WNT9A: variants seen among roughly 807,000 people sequenced by gnomAD.
WNT9A encodes the protein Wnt family member 9A, also known as protein Wnt-9a.
Under a neutral mutation model 31.4 loss-of-function variants are expected in WNT9A, and 8 were observed. The ratio of observed to expected loss-of-function variants is 0.26; its 90% CI spans 0.15 to 0.46. The LOEUF (loss-of-function observed/expected upper bound fraction) is 0.46. WNT9A is among the 20% of genes least tolerant of loss of function. The pLI, the probability that WNT9A is intolerant of heterozygous loss-of-function variation, is 0.99. For missense variants in WNT9A, 457 were observed against 522.9 expected (o/e 0.87, Z 1.23); for synonymous variants, 236 against 220.1 (o/e 1.07, Z -0.64).
chr1:227,928,692 G>A lies in WNT9A; in HGVS notation c.96-3173C>T, dbSNP rs1448006963. Among the ~76,000 whole-genome samples the A allele has an allele frequency of 6.6e-6, 1 of 152,154 alleles. No individual in the cohort carries two copies. Among genetic ancestry groups the A allele is most frequent in the East Asian group, 1.9e-4 (1 of 5,180 alleles). ...GATCTCAGAGCCTGGGCCCAGCAGAGGGGGCCCAGACCCTCCTGACAGGCA... is the reference window on the plus strand; with the variant it reads ...GATCTCAGAGCCTGGGCCCAGCAGAAGGGGCCCAGACCCTCCTGACAGGCA... On this transcript the variant is annotated intron_variant, in intron 1 of 3. Coordinates refer to ENST00000272164, the MANE Select transcript of WNT9A (RefSeq NM_003395.4). This position sits in a 1 kb window ranked among gnomAD's most constrained non-coding sequence, Gnocchi z 4.5.
At position 227,925,440 on chromosome 1, in the gene WNT9A, A is replaced by G. The variant is rs1406116469; in HGVS notation, c.175T>C (p.Cys59Arg). The stretch of plus-strand genomic sequence containing the variant: ...TTCCGCTCCAGCTTCAGCCGGTCGC[A>G]GGCCTTGTAGTGCGCCTGGGCAGCC... ...EAAAQAHYKA[C>R]DRLKLERKQR... is the part of the protein sequence containing the mutation. Residue 59 changes from cysteine (C) to arginine (R), a missense_variant, in exon 2 of 4, where the codon TGC (cysteine) becomes CGC (arginine). Cys to Arg is a radical substitution (Grantham distance 180). Transcript: ENST00000272164. This position sits in a 1 kb window ranked among gnomAD's most constrained non-coding sequence, Gnocchi z 6.0. The G allele has an allele frequency of 1.3e-6, 2 of 1,592,438 alleles. No homozygotes were observed. The highest frequency in any genetic ancestry group is 8.5e-7 in the Non-Finnish European group (1 of 1,172,886).
chr1:227,935,985 A>G (rs924580183), intron 1 of WNT9A, among the ~76,000 whole-genome samples: 2 of 152,046 alleles, frequency 1.3e-5, no homozygotes, highest in African/African-American at 4.8e-5. Context: ...CCAACAAGAC[A>G]CTGTTTTATC....
rs771413386 is a variant in WNT9A at position 227,925,396 on chromosome 1, G to A, written c.219C>T (p.Arg73=). The stretch of plus-strand genomic sequence containing the variant: ...GCGTCTCTGCCACGCCCGGGTCCCG[G>A]CGGCACATGCGCCGCTGCTTCCGCT... ...KLERKQRRMC[R]RDPGVAETLV... is the part of the protein sequence containing the mutation. The change falls in exon 2 of 4, where the codon CGC becomes CGT. Residue 73 remains arginine (R), a synonymous_variant. Transcript: ENST00000272164. The surrounding 1 kb of genome is among the most constrained non-coding windows in gnomAD (Gnocchi z 6.0). The A allele has an allele frequency of 1.9e-6, 3 of 1,609,820 alleles. No individual in the cohort carries two copies. Among genetic ancestry groups the A allele is most frequent in the East Asian group, 4.5e-5 (2 of 44,776 alleles).
chr1:227,934,093 C>T (rs1363114026), intron 1 of WNT9A, among the ~76,000 whole-genome samples: 1 of 152,206 alleles, frequency 6.6e-6, no homozygotes, highest in Non-Finnish European at 1.5e-5. Context: ...CATTCATGTG[C>T]TGAGAGGCAC....
intron 1 of WNT9A, among the ~76,000 whole-genome samples, chr1:227,930,322 C>T (rs1403020746): frequency 3.3e-5 from 5 of 152,172 alleles, no homozygotes; most frequent in Non-Finnish European, 4.4e-5. Context: ...TGTGCATGCG[C>T]GTTTGTGGCT....
chr1:227,942,409 C>A lies in WNT9A; in HGVS notation c.95+5384G>T, dbSNP rs1666722610. Among the ~76,000 whole-genome samples, 2 of 152,136 alleles carry A rather than the reference C, an allele frequency of 1.3e-5. No individual in the cohort carries two copies. ...GGGCCATCAGGCTGACACTCCAGACCCTCCCACTTACGGCCCCACTGTCAG... is the reference window on the plus strand; with the variant it reads ...GGGCCATCAGGCTGACACTCCAGACACTCCCACTTACGGCCCCACTGTCAG... On this transcript the variant is annotated intron_variant, in intron 1 of 3. Transcript: ENST00000272164. The surrounding 1 kb of genome is among the most constrained non-coding windows in gnomAD (Gnocchi z 5.7).
Position 227,944,662 on chromosome 1 carries a change from C to A in WNT9A, c.95+3131G>T, listed in dbSNP as rs541570724. ...CGATGGCTGGCTCTGGGGCCACAGCCGGGGGCACCTCAACAATCCCTCAGT... is the reference window on the plus strand; with the variant it reads ...CGATGGCTGGCTCTGGGGCCACAGCAGGGGGCACCTCAACAATCCCTCAGT... On this transcript the variant is annotated intron_variant, in intron 1 of 3. Transcript: ENST00000272164. Among the ~76,000 whole-genome samples the A allele has an allele frequency of 3.3e-5, 5 of 152,294 alleles. No homozygotes were observed. The South Asian group carries it at 1.0e-3, about 32-fold the overall frequency.
At chr1:227,940,962 C>T (rs528719721) in intron 1 of WNT9A, among the ~76,000 whole-genome samples, 7 of 152,394 alleles carry the variant, frequency 4.6e-5, no homozygotes, top group South Asian at 2.1e-4. Flanking sequence ...GCCTGGACCA[C>T]GGATGTGCTT....
At chr1:227,923,954 T>C (rs1666369374) in intron 3 of WNT9A, among the ~76,000 whole-genome samples, 184 bp downstream of exon 3, 1 of 152,108 alleles carries the variant, frequency 6.6e-6, no homozygotes, top group African/African-American at 2.4e-5. Context: ...GGGAGCCTTA[T>C]GGGCACGAGA....
chr1:227,925,551 C>T lies in WNT9A; in HGVS notation c.96-32G>A, dbSNP rs1666407880. 5 of 1,476,062 alleles carry T rather than the reference C, an allele frequency of 3.4e-6. No homozygotes were observed. The highest frequency in any genetic ancestry group is 3.6e-6 in the Non-Finnish European group (4 of 1,116,026). The allele number at this position is 1,476,062 out of a possible 1,614,324, so 91.4% of individuals were successfully genotyped here. A position where few individuals can be genotyped will look rare whatever the true frequency, so the allele number is the denominator to read the frequency against. On this transcript the variant is annotated intron_variant, in intron 1 of 3. Transcript: ENST00000272164. The surrounding 1 kb of genome is among the most constrained non-coding windows in gnomAD (Gnocchi z 6.0). ...ACAGAGAGGCCAGCATGAGCCCGGC[C>T]CCAGGAAGCCCTGCTGGAGCCTGGC...
intron 1 of WNT9A, among the ~76,000 whole-genome samples, chr1:227,932,000 C>A (rs6668168): frequency 6.6e-6 from 1 of 151,932 alleles, no homozygotes; most frequent in Non-Finnish European, 1.5e-5. Context: ...GGATTACAGG[C>A]GTGAGCCATC....
intron 1 of WNT9A, among the ~76,000 whole-genome samples, chr1:227,931,305 C>T (rs1158118542): frequency 6.6e-6 from 1 of 152,168 alleles, no homozygotes; most frequent in African/African-American, 2.4e-5. Context: ...CTAGGATTTT[C>T]ACGTCTGTGT....
chr1:227,947,073 G>A (rs546095663), intron 1 of WNT9A, among the ~76,000 whole-genome samples: 1 of 152,214 alleles, frequency 6.6e-6, no homozygotes, highest in African/African-American at 2.4e-5. Context: ...CTCAGAGAGG[G>A]GGAGGGAAGA....
chr1:227,931,760 A>C (rs904440000), intron 1 of WNT9A, among the ~76,000 whole-genome samples: 1 of 152,244 alleles, frequency 6.6e-6, no homozygotes. Flanking sequence ...AAAGGCTAAC[A>C]ATCATCTCAG....
chr1:227,923,123 A>G (rs1214383758), intron 3 of WNT9A, among the ~76,000 whole-genome samples: 1 of 152,134 alleles, frequency 6.6e-6, no homozygotes, highest in East Asian at 1.9e-4. Context: ...CCCCTGCCCA[A>G]GAAGGCGGAA....
chr1:227,935,334 G>A (rs1000720436), intron 1 of WNT9A, among the ~76,000 whole-genome samples: 5 of 152,008 alleles, frequency 3.3e-5, no homozygotes, highest in African/African-American at 9.7e-5. Context: ...ACTATAGTGG[G>A]GACTGTGACC....
At chr1:227,940,295 G>A (rs748890073) in intron 1 of WNT9A, among the ~76,000 whole-genome samples, 10 of 152,174 alleles carry the variant, frequency 6.6e-5, no homozygotes, top group Non-Finnish European at 1.2e-4. Flanking sequence ...CTGCACGCAG[G>A]ACCCCCCGGG....
At chr1:227,924,061 G>GGGC in intron 3 of WNT9A, 77 bp downstream of exon 3, 1 of 114,742 alleles carries the variant, frequency 8.7e-6, no homozygotes, top group Non-Finnish European at 1.7e-5. Context: ...CCCGCCCCCA[G>GGGC]TCCCACGCCC....
At chr1:227,924,950 T>G (rs934615245) in intron 2 of WNT9A, among the ~76,000 whole-genome samples, 1 of 152,040 alleles carries the variant, frequency 6.6e-6, no homozygotes. Context: ...CATAGCCCAC[T>G]GGGCACTGGG....
Sources: gnomAD v4.1 joint callset for allele counts (sites outside exome capture counted in the v4.1 genomes callset) on GRCh38, gnomAD v4.1.1 for gene constraint, Gnocchi (gnomAD v3.1) non-coding constraint, MANE v1.5 for transcripts, NCBI Gene and HGNC (gene_info 2026-07-23, HGNC 2026-07-21) for gene names.